Variants in KANK1 observed in about 807,000 individuals in gnomAD.
KANK1 encodes the protein KN motif and ankyrin repeat domain-containing protein 1.
Under a neutral mutation model 106.2 loss-of-function variants are expected in KANK1, and 109 were observed. The ratio of observed to expected loss-of-function variants is 1.03; its 90% CI spans 0.88 to 1.20. The LOEUF (loss-of-function observed/expected upper bound fraction) is 1.20, where lower values mean the gene tolerates loss of function less well. Among genes scored for constraint, KANK1 ranks in the 50% most tolerant of loss-of-function variants. The probability of loss-of-function intolerance (pLI) is 0.00; values close to 1 mark genes in which losing one functional copy is unlikely to be tolerated. For synonymous variants in KANK1, 873 were observed against 652.2 expected (o/e 1.34, Z -5.16); for missense variants, 2,399 against 1,710.7 (o/e 1.40, Z -7.10).
At chr9:633,926 T>C (rs192184626) in intron 1 of KANK1, among the ~76,000 whole-genome samples, 162 of 152,316 alleles carry the variant, frequency 1.1e-3, no homozygotes, top group African/African-American at 3.7e-3. Flanking sequence ...GCTGGGATTA[T>C]AGGCATGAGC....
At chr9:534,935 G>A (rs1444125862) in intron 1 of KANK1, among the ~76,000 whole-genome samples, 1 of 152,196 alleles carries the variant, frequency 6.6e-6, no homozygotes, top group Non-Finnish European at 1.5e-5. Flanking sequence ...TGGAGGTTGG[G>A]CCGAGGGGAA....
chr9:690,150 A>AAAAAAAAC (rs1819555856), intron 2 of KANK1, among the ~76,000 whole-genome samples: 1 of 149,342 alleles, frequency 6.7e-6, no homozygotes, highest in Non-Finnish European at 1.5e-5. Context: ...AAAAAAAAAA[A>AAAAAAAAC]AAAAAACTAG....
chr9:678,317 C>T (rs1360585931), intron 2 of KANK1, among the ~76,000 whole-genome samples: 1 of 152,148 alleles, frequency 6.6e-6, no homozygotes, highest in African/African-American at 2.4e-5. Flanking sequence ...AAATGCTTTG[C>T]CTGCATTTTC....
chr9:521,565 CTTTTTTTTTT>C (rs35143391), intron 1 of KANK1, among the ~76,000 whole-genome samples: 1 of 118,802 alleles, frequency 8.4e-6, no homozygotes, highest in East Asian at 2.4e-4. Context: ...CCTCCAGATT[CTTTTTTTTTT>C]TTTTTTTTTG....
intron 1 of KANK1, among the ~76,000 whole-genome samples, chr9:598,615 G>GTTT (rs1306483082): frequency 1.4e-5 from 1 of 73,332 alleles, no homozygotes; most frequent in East Asian, 4.3e-4. Flanking sequence ...TGTTTTGTTG[G>GTTT]TTTTCTTTTT....
At chr9:660,858 A>T (rs72691361) in intron 1 of KANK1, among the ~76,000 whole-genome samples, 2 of 152,174 alleles carry the variant, frequency 1.3e-5, no homozygotes, top group African/African-American at 4.8e-5. Context: ...TAGCGAGGTG[A>T]TAGGACATCT....
At chr9:617,342 G>C (rs778707786) in intron 1 of KANK1, among the ~76,000 whole-genome samples, 17 of 152,236 alleles carry the variant, frequency 1.1e-4, no homozygotes, top group African/African-American at 3.4e-4. Flanking sequence ...AATGGAATTG[G>C]TTAGGAGAAG....
chr9:723,420 C>T (rs1012836158), intron 3 of KANK1, among the ~76,000 whole-genome samples: 7 of 152,080 alleles, frequency 4.6e-5, no homozygotes, highest in African/African-American at 1.4e-4. Context: ...GTTACACAGG[C>T]GTATACATCT....
At chr9:644,513 G>T (rs1588522156) in intron 1 of KANK1, among the ~76,000 whole-genome samples, 1 of 150,962 alleles carries the variant, frequency 6.6e-6, no homozygotes, top group East Asian at 1.9e-4. Context: ...CAAAGGGGAA[G>T]CAGGCACGTT....
intron 1 of KANK1, among the ~76,000 whole-genome samples, chr9:589,838 C>G (rs1208800293): frequency 6.6e-6 from 1 of 152,050 alleles, no homozygotes; most frequent in Non-Finnish European, 1.5e-5. Context: ...GGGAAATGGG[C>G]CAAGGAATTA....
intron 1 of KANK1, among the ~76,000 whole-genome samples, chr9:643,657 G>A (rs1839002716): frequency 6.8e-6 from 1 of 146,148 alleles, no homozygotes; most frequent in African/African-American, 2.7e-5. Context: ...GAGGATTACC[G>A]GTGTGAGCCA....
At chr9:502,922 C>T (rs2058586341), upstream of KANK1, among the ~76,000 whole-genome samples, 1 of 152,064 alleles carries the variant, frequency 6.6e-6, no homozygotes, top group Non-Finnish European at 1.5e-5. Flanking sequence ...GCCGCCTCGA[C>T]CTCCAGGGCT....
At chr9:580,918 G>T (rs142623344) in intron 1 of KANK1, among the ~76,000 whole-genome samples, 3 of 152,296 alleles carry the variant, frequency 2.0e-5, no homozygotes, top group African/African-American at 7.2e-5. Context: ...CTTGCCCCAC[G>T]GGGAGGCAGC....
chr9:726,884 A>G (rs1202213036), intron 3 of KANK1, among the ~76,000 whole-genome samples: 2 of 152,136 alleles, frequency 1.3e-5, no homozygotes. Flanking sequence ...CTCTTGAACC[A>G]AGAAGGCAGA....
chr9:742,382 T>A lies in KANK1; in HGVS notation c.3874T>A (p.Cys1292Ser). Residue 1292 changes from cysteine (C) to serine (S), a missense_variant, in exon 10 of 12, where the codon TGC (cysteine) becomes AGC (serine). Coordinates refer to ENST00000382297, the MANE Select transcript of KANK1 (RefSeq NM_015158.5). ...CAAGCTGCTGCTGGCCCAGCCCGGCTGCAACGGTCACCTAGAGGACAACGT... is the reference window on the plus strand; with the variant it reads ...CAAGCTGCTGCTGGCCCAGCCCGGCAGCAACGGTCACCTAGAGGACAACGT... The part of the protein sequence containing the change: ...IVKLLLAQPG[C>S]NGHLEDNDGS... 6.2e-7 allele frequency: 1 copy of A among 1,613,792 alleles called. No individual in the cohort carries two copies. The highest frequency in any genetic ancestry group is 8.5e-7 in the Non-Finnish European group (1 of 1,179,870).
intron 3 of KANK1, among the ~76,000 whole-genome samples, chr9:720,089 C>T (rs1047746699): frequency 1.3e-5 from 2 of 152,206 alleles, no homozygotes; most frequent in African/African-American, 2.4e-5. Context: ...TTTTCCAGGA[C>T]ACTGAGATTT....
chr9:686,888 TG>T, intron 2 of KANK1: 2 of 985,234 alleles, frequency 2.0e-6, no homozygotes, highest in Non-Finnish European at 2.4e-6. Context: ...TGATTGTAAA[TG>T]AAGAATCCTG....
chr9:611,585 T>TA (rs1386954422), intron 1 of KANK1, among the ~76,000 whole-genome samples: 2 of 152,212 alleles, frequency 1.3e-5, no homozygotes, highest in Non-Finnish European at 2.9e-5. Context: ...TCCCATTAGA[T>TA]AGGAGTGTGT....
chr9:569,473 C>G (rs1394301451), intron 1 of KANK1, among the ~76,000 whole-genome samples: 1 of 152,160 alleles, frequency 6.6e-6, no homozygotes. Flanking sequence ...ACTCGGCCGC[C>G]TCACCATGTG....
Sources: allele counts gnomAD v4.1 joint callset (sites outside exome capture counted in the v4.1 genomes callset), GRCh38; gene constraint gnomAD v4.1.1; transcripts MANE v1.5; gene names NCBI Gene and HGNC (gene_info 2026-07-23, HGNC 2026-07-21).